The following FAM78B variants were observed in gnomAD, a reference collection of about 807,000 sequenced individuals.
FAM78B encodes the protein family with sequence similarity 78 member B, also known as protein FAM78B.
In FAM78B, 10 loss-of-function variants were observed where a neutral mutation model predicts 20.0. The ratio of observed to expected loss-of-function variants is 0.50; its 90% CI spans 0.31 to 0.85. The LOEUF (loss-of-function observed/expected upper bound fraction) is 0.85. Among genes scored for constraint, FAM78B ranks in the 40% least tolerant of loss-of-function variants. The pLI, the probability that FAM78B is intolerant of heterozygous loss-of-function variation, is 0.05. For missense variants in FAM78B, 283 were observed against 345.0 expected (o/e 0.82, Z 1.42); for synonymous variants, 135 against 132.8 (o/e 1.02, Z -0.12).
At chr1:166,092,032 A>ATTTTTTT (rs11286787) in intron 1 of FAM78B, among the ~76,000 whole-genome samples, 1 of 126,008 alleles carries the variant, frequency 7.9e-6, no homozygotes. Flanking sequence ...TTGAGCCATC[A>ATTTTTTT]TTTTTTTTTT....
chr1:166,117,403 T>A (rs1301200656), intron 1 of FAM78B, among the ~76,000 whole-genome samples: 1 of 152,194 alleles, frequency 6.6e-6, no homozygotes, highest in East Asian at 1.9e-4. Flanking sequence ...GAGTATCAGT[T>A]GTGAGGCACA....
At chr1:166,155,889 C>T (rs77639366) in intron 1 of FAM78B, among the ~76,000 whole-genome samples, 86 of 152,286 alleles carry the variant, frequency 5.6e-4, no homozygotes, top group African/African-American at 2.1e-3. Flanking sequence ...CAGCCTGAGC[C>T]CCCATGCAGA....
chr1:166,070,809 A>G, intron 1 of FAM78B, 46 bp from the exon 2 acceptor site: 1 of 1,502,962 alleles, frequency 6.7e-7, no homozygotes, highest in Non-Finnish European at 8.8e-7. Flanking sequence ...GGCTGAATGA[A>G]TTTTTCAAAA....
chr1:166,133,836 C>T (rs376968831), intron 1 of FAM78B, among the ~76,000 whole-genome samples: 1 of 152,198 alleles, frequency 6.6e-6, no homozygotes. Context: ...TTGGAACTCC[C>T]ATCTCCTTTC....
chr1:166,163,938 A>G (rs1024326256), intron 1 of FAM78B, among the ~76,000 whole-genome samples: 1 of 152,156 alleles, frequency 6.6e-6, no homozygotes, highest in African/African-American at 2.4e-5. Context: ...CCAAATCCCA[A>G]ATGCAAGGAT....
chr1:166,121,511 C>A (rs1253152799), intron 1 of FAM78B, among the ~76,000 whole-genome samples: 1 of 152,154 alleles, frequency 6.6e-6, no homozygotes, highest in South Asian at 2.1e-4. Flanking sequence ...TGTTCTTGGC[C>A]CTTCAGAGCT....
In FAM78B at chr1:166,166,359, G is replaced by A. The variant is rs1163878775; in HGVS notation, c.-111C>T. On this transcript the variant is annotated 5_prime_UTR_variant, in exon 1 of 2. Transcript: ENST00000354422. ...GCGACGCGCCGCTCGCTCCCGGTCA[G>A]ACTCAGCTCGCACCTAGGAGCGGGG... The A allele has an allele frequency of 8.3e-6, 8 of 960,290 alleles. No individual in the cohort carries two copies. In the South Asian group the frequency reaches 2.9e-4, roughly 35 times the overall value. The allele number at this position is 960,290 out of a possible 1,614,324, so 59.5% of individuals were successfully genotyped here.
Position 166,069,907 on chromosome 1 carries a change from C to T in FAM78B, c.*334G>A, listed in dbSNP as rs747699479. ...ATTTGCCACAGGCACTGTTTAATTT[C>T]GTTTCCATCCCCTGCATCTCACAGG... is the stretch of plus-strand genomic sequence containing the variant. On this transcript the variant is annotated 3_prime_UTR_variant, in exon 2 of 2. Transcript: ENST00000354422. 1.1e-5 allele frequency: 10 copies of T among 911,030 alleles called. No homozygotes were observed. The highest frequency in any genetic ancestry group is 7.1e-5 in the African/African-American group (4 of 56,462). The allele number at this position is 911,030 out of a possible 1,614,324, so 56.4% of individuals were successfully genotyped here.
chr1:166,164,316 G>A (rs1334391997), intron 1 of FAM78B, among the ~76,000 whole-genome samples: 3 of 152,214 alleles, frequency 2.0e-5, no homozygotes, highest in African/African-American at 7.2e-5. Context: ...ATGAGAGGAA[G>A]GGCTCTTGCC....
At chr1:166,112,899 T>C (rs1262995933) in intron 1 of FAM78B, among the ~76,000 whole-genome samples, 2 of 152,220 alleles carry the variant, frequency 1.3e-5, no homozygotes, top group Non-Finnish European at 2.9e-5. Flanking sequence ...GTCATATCAC[T>C]AATAATTGCC....
chr1:166,133,949 A>T (rs1274019683), intron 1 of FAM78B, among the ~76,000 whole-genome samples: 1 of 152,208 alleles, frequency 6.6e-6, no homozygotes, highest in Non-Finnish European at 1.5e-5. Flanking sequence ...CAAAGGTTAC[A>T]TGTACTTACC....
downstream of FAM78B, among the ~76,000 whole-genome samples, chr1:166,066,130 G>A (rs1344164864): frequency 1.3e-5 from 2 of 152,188 alleles, no homozygotes; most frequent in African/African-American, 2.4e-5. Context: ...TTGTTCAGCT[G>A]GGACCTCAGT....
In FAM78B at chr1:166,166,056, T is replaced by C; in HGVS notation, c.193A>G (p.Thr65Ala). Reference protein sequence around the residue: ...VVMPPIPRHETWVVGWIQACN... With the variant: ...VVMPPIPRHEAWVVGWIQACN... ...GCCTGAATCCAGCCCACCACCCAGGTCTCGTGGCGGGGGATGGGGGGCATG... is the reference window on the plus strand; with the variant it reads ...GCCTGAATCCAGCCCACCACCCAGGCCTCGTGGCGGGGGATGGGGGGCATG... Residue 65 changes from threonine (T) to alanine (A), a missense_variant, in exon 1 of 2, where the codon ACC (threonine) becomes GCC (alanine). Thr to Ala is a moderately conservative substitution (Grantham distance 58). Transcript: ENST00000354422. 1.2e-6 allele frequency: 2 copies of C among 1,613,688 alleles called. No individual in the cohort carries two copies. Among genetic ancestry groups the C allele is most frequent in the Non-Finnish European group, 1.7e-6 (2 of 1,179,920 alleles).
At chr1:166,127,261 G>A (rs576768081) in intron 1 of FAM78B, among the ~76,000 whole-genome samples, 1 of 152,274 alleles carries the variant, frequency 6.6e-6, no homozygotes, top group East Asian at 1.9e-4. Flanking sequence ...TGCAATCACT[G>A]ACAATCCATC....
chr1:166,087,822 G>A (rs1652894102), intron 1 of FAM78B, among the ~76,000 whole-genome samples: 1 of 152,166 alleles, frequency 6.6e-6, no homozygotes, highest in Non-Finnish European at 1.5e-5. Flanking sequence ...GACAGTATGT[G>A]GGCAGGGGGT....
chr1:166,070,369 G>T lies in FAM78B; in HGVS notation c.658C>A (p.Pro220Thr), dbSNP rs1216329055. The change falls in exon 2 of 2, where the codon CCC (proline) becomes ACC (threonine). Residue 220 changes from proline to threonine, a missense_variant. Physicochemically the swap from Pro to Thr is conservative, Grantham distance 38. Coordinates refer to ENST00000354422, the MANE Select transcript of FAM78B (RefSeq NM_001017961.5). Reference sequence around the variant, plus strand: ...GGTTCCATCCGGCTCAGGATCCGGGGCTGCTCCTGCTGAGTCCTGCCCACC... The same window carrying T: ...GGTTCCATCCGGCTCAGGATCCGGGTCTGCTCCTGCTGAGTCCTGCCCACC... ...RLVGRTQQEQ[P>T]RILSRMEPIP... is the part of the protein sequence containing the mutation. 2.0e-5 allele frequency: 33 copies of T among 1,613,756 alleles called. No homozygotes were observed. The highest frequency in any genetic ancestry group is 2.6e-5 in the Non-Finnish European group (31 of 1,179,844).
chr1:166,095,765 G>A (rs10800184), intron 1 of FAM78B, among the ~76,000 whole-genome samples: 29,889 of 152,036 alleles, frequency 0.2, 3,349 homozygotes, highest in East Asian at 0.38. Flanking sequence ...GTAGGTCTCT[G>A]GGACCTGAGT....
rs548710678 is a variant in FAM78B at position 166,096,954 on chromosome 1, A to C, written c.264-26191T>G. On this transcript the variant is annotated intron_variant, in intron 1 of 1. Coordinates refer to ENST00000354422, the MANE Select transcript of FAM78B (RefSeq NM_001017961.5). ...GTAGGTCCAGATCGACTGCAAGAAC[A>C]AACCAGCAATCCTGAGAGGACGCAC... Among the ~76,000 whole-genome samples the C allele has an allele frequency of 8.5e-5, 13 of 152,322 alleles. No homozygotes were observed. In the South Asian group the frequency reaches 2.3e-3, roughly 27 times the overall value.
chr1:166,149,485 CA>C (rs778466101), intron 1 of FAM78B, among the ~76,000 whole-genome samples: 6 of 152,180 alleles, frequency 3.9e-5, no homozygotes, highest in African/African-American at 7.2e-5. Context: ...TTTCCAGTAT[CA>C]GCTACTTAAA....
Sources: gnomAD v4.1 joint callset for allele counts (sites outside exome capture counted in the v4.1 genomes callset) on GRCh38, gnomAD v4.1.1 for gene constraint, MANE v1.5 for transcripts, NCBI Gene and HGNC (gene_info 2026-07-23, HGNC 2026-07-21) for gene names.